Variants in NAA16 observed in about 807,000 individuals in gnomAD.
The protein encoded by NAA16 is NARG1-like protein.
A neutral mutation model predicts 110.3 loss-of-function variants in NAA16; 97 were observed. The observed-to-expected ratio is 0.88, with a 90% CI of 0.75 to 1.04. The LOEUF is 1.04. Among genes scored for constraint, NAA16 ranks in the 50% least tolerant of loss-of-function variants. NAA16 has a pLI of 0.00. For synonymous variants in NAA16, 372 were observed against 330.6 expected (o/e 1.13, Z -1.36); for missense variants, 1,017 against 1,005.1 (o/e 1.01, Z -0.16).
chr13:41,361,882 G>C, intron 12 of NAA16, 149 bp from the exon 13 acceptor site: 2 of 811,470 alleles, frequency 2.5e-6, no homozygotes. Context: ...GACTATTGTA[G>C]TATAAAACCA....
chr13:41,361,220 T>A lies in NAA16; in HGVS notation c.1411-811T>A, dbSNP rs2043105994. Reference sequence around the variant, plus strand: ...TTGAGCCTGAATTAACAAATTCAGTTATTTGGTTTTGTCAGCCCACTGCAA... The same window carrying A: ...TTGAGCCTGAATTAACAAATTCAGTAATTTGGTTTTGTCAGCCCACTGCAA... On this transcript the variant is annotated intron_variant, in intron 12 of 19. Transcript: ENST00000379406. Among the ~76,000 whole-genome samples, 7 of 152,342 alleles carry A rather than the reference T, an allele frequency of 4.6e-5. No homozygotes were observed. In the South Asian group the frequency reaches 1.4e-3, roughly 32 times the overall value.
chr13:41,334,456 G>A (rs2042324258), intron 8 of NAA16, among the ~76,000 whole-genome samples: 1 of 152,108 alleles, frequency 6.6e-6, no homozygotes, highest in African/African-American at 2.4e-5. Flanking sequence ...ATTTAGAACG[G>A]ATTTCCAGTG....
intron 8 of NAA16, among the ~76,000 whole-genome samples, chr13:41,336,163 A>T (rs781420835): frequency 5.3e-5 from 7 of 130,884 alleles, no homozygotes; most frequent in African/African-American, 8.8e-5. Context: ...AGTTCTATTT[A>T]AAAAAAAATT....
chr13:41,346,240 CT>C (rs1410705758), intron 9 of NAA16, among the ~76,000 whole-genome samples: 2 of 152,186 alleles, frequency 1.3e-5, no homozygotes, highest in Admixed American at 6.5e-5. Flanking sequence ...AGAGACTCTT[CT>C]TTCCCTGTTG....
chr13:41,337,971 A>C (rs59506482), intron 9 of NAA16, among the ~76,000 whole-genome samples: 6 of 152,152 alleles, frequency 3.9e-5, no homozygotes, highest in Non-Finnish European at 7.3e-5. Context: ...AAACAAAAAA[A>C]CCCAAAAAAC....
rs1401101592 is a variant in NAA16, at chr13:41,369,214, A to G, written c.1878A>G (p.Lys626=). 1 of 1,598,648 alleles carries G rather than the reference A, an allele frequency of 6.3e-7. No individual in the cohort carries two copies. The highest frequency in any genetic ancestry group is 1.8e-5 in the Admixed American group (1 of 56,642). The part of the protein sequence containing the change: ...ERERQQKNQK[K]KRDEEEEEAS... ...AACGTCAACAGAAAAATCAAAAGAA[A>G]AAAAGAGATGAAGAAGAAGAAGAAG... The change falls in exon 15 of 20, where the codon AAA becomes AAG. Residue 626 remains lysine (K), a synonymous_variant. Coordinates refer to ENST00000379406, the MANE Select transcript of NAA16 (RefSeq NM_024561.5).
intron 15 of NAA16, among the ~76,000 whole-genome samples, chr13:41,371,575 C>A (rs935806811): frequency 3.9e-5 from 6 of 152,102 alleles, no homozygotes; most frequent in African/African-American, 1.4e-4. Flanking sequence ...ATTTTCTCTT[C>A]CTTATGACTT....
intron 8 of NAA16, among the ~76,000 whole-genome samples, chr13:41,333,601 T>G (rs557115371): frequency 1.1e-4 from 17 of 152,156 alleles, no homozygotes; most frequent in South Asian, 4.1e-4. Context: ...ATATTGTGTG[T>G]GGGGGGGATA....
At chr13:41,335,327 T>G (rs2042351981) in intron 8 of NAA16, among the ~76,000 whole-genome samples, 1 of 152,192 alleles carries the variant, frequency 6.6e-6, no homozygotes, top group Admixed American at 6.5e-5. Flanking sequence ...TCAGTGATGG[T>G]ATTGCCTTCA....
intron 9 of NAA16, among the ~76,000 whole-genome samples, chr13:41,342,857 T>C (rs2042589252): frequency 6.6e-6 from 1 of 152,228 alleles, no homozygotes; most frequent in Admixed American, 6.5e-5. Context: ...CACTTTTCTG[T>C]TGGCATTTGT....
At chr13:41,331,451 GTA>G in intron 8 of NAA16, 82 bp downstream of exon 8, 1 of 1,028,238 alleles carries the variant, frequency 9.7e-7, no homozygotes, top group Non-Finnish European at 1.4e-6. Context: ...CGTGTTTCTG[GTA>G]TAGAGTTTAT....
At position 41,311,458 on chromosome 13, in the gene NAA16, C is replaced by T; in HGVS notation, c.-71C>T. On this transcript the variant is annotated 5_prime_UTR_variant, in exon 1 of 20. Transcript: ENST00000379406. ...TCTCAGCAGCGGTTCGTCCCGGTGC[C>T]CACCCCCGCGAAGCGGAGCGCCCGG... The T allele has an allele frequency of 2.0e-6, 3 of 1,468,322 alleles. No homozygotes were observed. The highest frequency in any genetic ancestry group is 2.4e-5 in the South Asian group (2 of 82,336). 91.0% of individuals were successfully genotyped at this position (1,468,322 alleles called of 1,614,324 possible).
chr13:41,358,718 ATTTCT>A (rs1206525411), intron 11 of NAA16, 87 bp from the exon 12 acceptor site: 1 of 1,475,928 alleles, frequency 6.8e-7, no homozygotes, highest in Non-Finnish European at 9.0e-7. Flanking sequence ...ATGGTGACAG[ATTTCT>A]TTTTTGTCTG....
chr13:41,329,573 C>T (rs73457527), intron 7 of NAA16, among the ~76,000 whole-genome samples: 13,165 of 149,502 alleles, frequency 0.088, 669 homozygotes, highest in East Asian at 0.2. Flanking sequence ...TACCCACATT[C>T]ATTTATAGTA....
At chr13:41,369,311 T>C (rs758197035) in intron 15 of NAA16, 28 bp downstream of exon 15, 1 of 1,494,628 alleles carries the variant, frequency 6.7e-7, no homozygotes. Context: ...ATCTTTGTTA[T>C]TTGGTAAAAT....
Position 41,358,805 on chromosome 13 carries a change from T to C in NAA16, c.1258-5T>C. On this transcript the variant is annotated splice_region_variant and splice_polypyrimidine_tract_variant and intron_variant, in intron 11 of 19. Coordinates refer to ENST00000379406, the MANE Select transcript of NAA16 (RefSeq NM_024561.5). ...AATTGTGGTTCCTTTAATTATCTTT[T>C]ATAGCATATAGGTAATCTCAAAGAA... 6.4e-7 allele frequency: 1 copy of C among 1,571,214 alleles called. No individual in the cohort carries two copies. The highest frequency in any genetic ancestry group is 8.6e-7 in the Non-Finnish European group (1 of 1,158,094).
chr13:41,350,127 C>G (rs1484457336), intron 9 of NAA16, among the ~76,000 whole-genome samples: 1 of 151,404 alleles, frequency 6.6e-6, no homozygotes, highest in Non-Finnish European at 1.5e-5. Context: ...AAAAATCAGC[C>G]AAGTACAGTG....
At chr13:41,354,258 G>A (rs2042921759) in intron 9 of NAA16, among the ~76,000 whole-genome samples, 1 of 152,186 alleles carries the variant, frequency 6.6e-6, no homozygotes, top group Admixed American at 6.5e-5. Flanking sequence ...ATGATCAGTG[G>A]TTTCATGGAC....
intron 9 of NAA16, 133 bp downstream of exon 9, chr13:41,336,889 AC>A (rs2042395556): frequency 2.0e-6 from 1 of 506,998 alleles, no homozygotes; most frequent in African/African-American, 2.0e-5. Context: ...TCAGTCATGT[AC>A]TGAAATTACA....
Sources: gnomAD v4.1 joint callset for allele counts (sites outside exome capture counted in the v4.1 genomes callset) on GRCh38, gnomAD v4.1.1 for gene constraint, MANE v1.5 for transcripts, NCBI Gene and HGNC (gene_info 2026-07-23, HGNC 2026-07-21) for gene names.